RAB40B: variants seen among roughly 807,000 people sequenced by gnomAD.
The protein encoded by RAB40B is ras-related protein Rab-40B.
In RAB40B, 21 loss-of-function variants were observed where a neutral mutation model predicts 24.0. That is an observed-to-expected ratio of 0.88 (90% confidence interval 0.62 to 1.26). The LOEUF is 1.26. Ranked by LOEUF, RAB40B falls within the 50% of genes most tolerant of loss-of-function variation. The pLI, the probability that RAB40B is intolerant of heterozygous loss-of-function variation, is 0.00. For missense variants in RAB40B, 348 were observed against 390.5 expected (o/e 0.89, Z 0.92); for synonymous variants, 167 against 169.8 (o/e 0.98, Z 0.13).
intron 3 of RAB40B, 128 bp downstream of exon 3, chr17:82,660,859 G>T: frequency 2.5e-6 from 3 of 1,205,722 alleles, no homozygotes; most frequent in Non-Finnish European, 3.5e-6. Flanking sequence ...TAGACTCTCA[G>T]CACCAATTTA....
chr17:82,681,020 C>CAAAAAAA (rs201799464), intron 1 of RAB40B, among the ~76,000 whole-genome samples: 5 of 93,948 alleles, frequency 5.3e-5, no homozygotes, highest in African/African-American at 1.3e-4. Flanking sequence ...GACTCCATCT[C>CAAAAAAA]AAAAAAAAAA....
rs562421598 is a variant in RAB40B, at chr17:82,695,097, T to C, written c.142+3358A>G. 1.6e-4 allele frequency among the ~76,000 whole-genome samples: 25 copies of C among 151,600 alleles called. 1 individual carries two copies. The highest frequency in any genetic ancestry group is 6.1e-4 in the African/African-American group (25 of 41,114). On this transcript the variant is annotated intron_variant, in intron 1 of 5. Coordinates refer to ENST00000571995, the MANE Select transcript of RAB40B (RefSeq NM_006822.3). The stretch of plus-strand genomic sequence containing the variant: ...GCAAGGGCTATAAACCTGGACAATA[T>C]AAAAATAACAGCCTGGGCTACAAAA...
At chr17:82,660,847 T>C in intron 3 of RAB40B, 140 bp downstream of exon 3, 1 of 1,089,640 alleles carries the variant, frequency 9.2e-7, no homozygotes, top group Non-Finnish European at 1.3e-6. Flanking sequence ...ACAGCACGTT[T>C]TTAGACTCTC....
Position 82,663,271 on chromosome 17 carries a change from G to A in RAB40B, c.203+1225C>T, listed in dbSNP as rs561184550. 1.3e-5 allele frequency among the ~76,000 whole-genome samples: 2 copies of A among 152,264 alleles called. No individual in the cohort carries two copies. Among genetic ancestry groups the A allele is most frequent in the Non-Finnish European group, 1.5e-5 (1 of 67,994 alleles). On this transcript the variant is annotated intron_variant, in intron 2 of 5. Transcript: ENST00000571995. The surrounding 1 kb of genome is among the most constrained non-coding windows in gnomAD (Gnocchi z 6.2). ...CGTAGGAAGGGGACAGGTAAGAGAAGGGGGTCCCAGCTGCTGGAGGCACAC... is the reference window on the plus strand; with the variant it reads ...CGTAGGAAGGGGACAGGTAAGAGAAAGGGGTCCCAGCTGCTGGAGGCACAC...
At chr17:82,683,530 G>C (rs887728841) in intron 1 of RAB40B, among the ~76,000 whole-genome samples, 18 of 152,324 alleles carry the variant, frequency 1.2e-4, no homozygotes, top group African/African-American at 4.3e-4. Flanking sequence ...GCTCACAACT[G>C]TAATCCCACC....
At chr17:82,689,196 G>C (rs558372652) in intron 1 of RAB40B, among the ~76,000 whole-genome samples, 1 of 152,380 alleles carries the variant, frequency 6.6e-6, no homozygotes, top group East Asian at 1.9e-4. Flanking sequence ...CACCCAGCGC[G>C]GAGCAGCCTG....
intron 1 of RAB40B, among the ~76,000 whole-genome samples, chr17:82,666,567 AAT>A (rs2046260129): frequency 6.6e-6 from 1 of 152,032 alleles, no homozygotes; most frequent in African/African-American, 2.4e-5. Flanking sequence ...TAAAGGGAAA[AAT>A]ATGTTTCCCC....
At chr17:82,662,222 G>A (rs903067789) in intron 2 of RAB40B, 1 of 985,370 alleles carries the variant, frequency 1.0e-6, no homozygotes, top group Non-Finnish European at 1.2e-6. Context: ...CAAAGCCTAG[G>A]AGTGAGTGCC....
chr17:82,692,813 T>C lies in RAB40B; in HGVS notation c.142+5642A>G, dbSNP rs1361865739. On this transcript the variant is annotated intron_variant, in intron 1 of 5. Coordinates refer to ENST00000571995, the MANE Select transcript of RAB40B (RefSeq NM_006822.3). The surrounding 1 kb of genome is among the most constrained non-coding windows in gnomAD (Gnocchi z 4.0). ...TGTTAAAATTAAGAGCTTCTGTTCA[T>C]CCAAAAATACCACTGAAGGAGTGGA... Among the ~76,000 whole-genome samples the C allele has an allele frequency of 6.6e-6, 1 of 152,048 alleles. No homozygotes were observed. Among genetic ancestry groups the C allele is most frequent in the Non-Finnish European group, 1.5e-5 (1 of 68,010 alleles).
At chr17:82,688,352 C>T (rs559593778) in intron 1 of RAB40B, among the ~76,000 whole-genome samples, 3 of 151,914 alleles carry the variant, frequency 2.0e-5, no homozygotes, top group Admixed American at 6.5e-5. Context: ...CGGTAGCTCA[C>T]GCCTGTAATC....
intron 1 of RAB40B, among the ~76,000 whole-genome samples, chr17:82,680,899 G>A (rs183416484): frequency 7.3e-4 from 110 of 151,618 alleles, no homozygotes; most frequent in Non-Finnish European, 1.0e-3. Flanking sequence ...GCTTGGTGGC[G>A]TGCACCTGTA....
intron 1 of RAB40B, among the ~76,000 whole-genome samples, chr17:82,691,345 G>A (rs903144261): frequency 2.6e-5 from 4 of 152,118 alleles, no homozygotes; most frequent in African/African-American, 9.7e-5. Context: ...GGCAAGAGGT[G>A]GTGGCATCTG....
At chr17:82,660,884 C>G (rs79808127) in intron 3 of RAB40B, 103 bp downstream of exon 3, 1 of 1,416,888 alleles carries the variant, frequency 7.1e-7, no homozygotes, top group Non-Finnish European at 9.7e-7. Context: ...TAAGCTTAAC[C>G]GCCTTGTCCT....
At position 82,656,841 on chromosome 17, in the gene RAB40B, C is replaced by CCAT. The variant is rs2046089982; in HGVS notation, c.*1019_*1021dup. On this transcript the variant is annotated 3_prime_UTR_variant, in exon 6 of 6. Transcript: ENST00000571995. ...CCAGCCTGACCAACATGGTGAAACC[C>CCAT]CATCTCTACTAAAAATACAAAAATT... 6.6e-6 allele frequency: 1 copy of CCAT among 152,174 alleles called. No homozygotes were observed. Among genetic ancestry groups the CCAT allele is most frequent in the Non-Finnish European group, 1.5e-5 (1 of 68,090 alleles). 9.4% of individuals were successfully genotyped at this position (152,174 alleles called of 1,614,324 possible). A position where few individuals can be genotyped will look rare whatever the true frequency, so the allele number is the denominator to read the frequency against.
chr17:82,688,433 T>C (rs910842841), intron 1 of RAB40B, among the ~76,000 whole-genome samples: 3 of 149,634 alleles, frequency 2.0e-5, no homozygotes, highest in Non-Finnish European at 3.0e-5. Context: ...ACCAACATGG[T>C]GAAACCCCAT....
chr17:82,672,470 A>C (rs1287917592), intron 1 of RAB40B, among the ~76,000 whole-genome samples: 3 of 152,218 alleles, frequency 2.0e-5, no homozygotes, highest in Non-Finnish European at 4.4e-5. Flanking sequence ...CACTGTCATA[A>C]CCAGGTGCTA....
intron 1 of RAB40B, among the ~76,000 whole-genome samples, chr17:82,691,909 A>C (rs1444325781): frequency 6.6e-6 from 1 of 152,164 alleles, no homozygotes; most frequent in Non-Finnish European, 1.5e-5. Context: ...TGCCAGACGG[A>C]AATGGGGTCC....
chr17:82,673,606 C>T (rs946787835), intron 1 of RAB40B, among the ~76,000 whole-genome samples: 3 of 152,218 alleles, frequency 2.0e-5, no homozygotes, highest in Non-Finnish European at 2.9e-5. Context: ...AGATGCTTTT[C>T]CCTTAAACAC....
At chr17:82,680,717 T>C (rs917180692) in intron 1 of RAB40B, among the ~76,000 whole-genome samples, 4 of 152,138 alleles carry the variant, frequency 2.6e-5, no homozygotes, top group Admixed American at 2.0e-4. Context: ...GAAGTATTGA[T>C]ACAAATGTTT....
Sources: gnomAD v4.1 joint callset for allele counts (sites outside exome capture counted in the v4.1 genomes callset) on GRCh38, gnomAD v4.1.1 for gene constraint, Gnocchi (gnomAD v3.1) non-coding constraint, MANE v1.5 for transcripts, NCBI Gene and HGNC (gene_info 2026-07-23, HGNC 2026-07-21) for gene names.